Variants in ABCC6 observed in about 807,000 individuals in gnomAD.
ABCC6 encodes ATP-binding cassette sub-family C member 6.
A neutral mutation model predicts 169.5 loss-of-function variants in ABCC6; 126 were observed. The ratio of observed to expected loss-of-function variants is 0.74; its 90% CI spans 0.64 to 0.86. The LOEUF is 0.86. ABCC6 is among the 40% of genes least tolerant of loss of function. The pLI is 0.00. For synonymous variants in ABCC6, 752 were observed against 814.7 expected (o/e 0.92, Z 1.31); for missense variants, 1,733 against 1,927.2 (o/e 0.90, Z 1.89).
chr16:16,192,498 T>C (rs1002436330), intron 11 of ABCC6, among the ~76,000 whole-genome samples: 2 of 152,010 alleles, frequency 1.3e-5, no homozygotes, highest in African/African-American at 2.4e-5. Context: ...TTAGAGATCA[T>C]GGGGTTCGGA....
intron 25 of ABCC6, among the ~76,000 whole-genome samples, chr16:16,161,007 A>G (rs2046699385): frequency 6.6e-6 from 1 of 152,140 alleles, no homozygotes; most frequent in Non-Finnish European, 1.5e-5. Context: ...TGGGAGGCTG[A>G]GGCATAAGAA....
chr16:16,185,376 G>T (rs2152264208), intron 14 of ABCC6, among the ~76,000 whole-genome samples: 1 of 152,380 alleles, frequency 6.6e-6, no homozygotes, highest in Non-Finnish European at 1.5e-5. Context: ...GACAGAGACT[G>T]TGTGGCCCAC....
chr16:16,150,190 C>A lies in ABCC6; in HGVS notation c.4455G>T (p.Gln1485His). 6.2e-7 allele frequency: 1 copy of A among 1,613,598 alleles called. No homozygotes were observed. Among genetic ancestry groups the A allele is most frequent in the Non-Finnish European group, 8.5e-7 (1 of 1,180,018 alleles). The change falls in exon 31 of 31, where the codon CAG (glutamine) becomes CAT (histidine). Residue 1485 changes from glutamine to histidine, a missense_variant. By Grantham distance (24) the Gln-to-His change is conservative. Around this residue, in one of 5 missense-constraint regions of ABCC6, gnomAD observed 1,601 missense variants for 1,635.5 expected, o/e 0.98. Coordinates refer to ENST00000205557, the MANE Select transcript of ABCC6 (RefSeq NM_001171.6). ...AAAACAGGCCCTTCTGGGCCAGCAG[C>A]TGGGCCGGGCTGCCGCTCTCTGCCA... ...GQVAESGSPA[Q>H]LLAQKGLFYR... is the part of the protein sequence containing the mutation.
intron 14 of ABCC6, among the ~76,000 whole-genome samples, chr16:16,185,541 T>C (rs1310801167): frequency 6.6e-6 from 1 of 152,132 alleles, no homozygotes; most frequent in African/African-American, 2.4e-5. Context: ...CCCAGCACTT[T>C]AGGAAGCAGA....
At chr16:16,203,293 A>C in intron 8 of ABCC6, 117 bp downstream of exon 8, 2 of 1,525,480 alleles carry the variant, frequency 1.3e-6, no homozygotes, top group Non-Finnish European at 1.8e-6. Context: ...CCCACCATCC[A>C]GTGTCCCGAG....
chr16:16,168,000 C>A (rs531765956), intron 22 of ABCC6, among the ~76,000 whole-genome samples: 1 of 152,300 alleles, frequency 6.6e-6, no homozygotes, highest in South Asian at 2.1e-4. Flanking sequence ...AGTAACCATT[C>A]GCCTTGAGTA....
At chr16:16,192,695 G>A in intron 11 of ABCC6, 135 bp downstream of exon 11, 2 of 794,618 alleles carry the variant, frequency 2.5e-6, no homozygotes, top group East Asian at 2.6e-5. Flanking sequence ...CTGAGTGATG[G>A]GCAGCTCACA....
intron 7 of ABCC6, among the ~76,000 whole-genome samples, chr16:16,204,841 T>TC (rs2048344807): frequency 6.6e-6 from 1 of 150,668 alleles, no homozygotes; most frequent in Non-Finnish European, 1.5e-5. Context: ...TCTTTTCTTT[T>TC]TTTTTTTTTT....
chr16:16,197,640 C>G (rs2048093216), intron 10 of ABCC6, among the ~76,000 whole-genome samples: 1 of 123,180 alleles, frequency 8.1e-6, no homozygotes, highest in African/African-American at 3.1e-5. Flanking sequence ...GGAAGGGGTG[C>G]AGGAAGAGGA....
At chr16:16,182,977 G>C in intron 15 of ABCC6, 47 bp from the exon 16 acceptor site, 2 of 1,614,076 alleles carry the variant, frequency 1.2e-6, no homozygotes, top group Non-Finnish European at 1.7e-6. Context: ...GGTTCAGCCC[G>C]CCTCTGTGAG....
chr16:16,209,874 G>A (rs1248596558), intron 6 of ABCC6, among the ~76,000 whole-genome samples: 1 of 152,120 alleles, frequency 6.6e-6, no homozygotes, highest in East Asian at 1.9e-4. Flanking sequence ...AGGACTACAG[G>A]CGTAAGCCAC....
chr16:16,154,518 A>G, intron 29 of ABCC6, 110 bp downstream of exon 29: 1 of 1,360,458 alleles, frequency 7.4e-7, no homozygotes, highest in Admixed American at 1.9e-5. Context: ...TATTAATGTA[A>G]CAGAGTGATA....
chr16:16,212,302 C>T lies in ABCC6; in HGVS notation c.601-56G>A, dbSNP rs546061165. 22 of 788,276 alleles carry T rather than the reference C, an allele frequency of 2.8e-5. 1 individual carries two copies. Among genetic ancestry groups the T allele is most frequent in the African/African-American group, 9.1e-5 (5 of 55,194 alleles). 48.8% of individuals were successfully genotyped at this position (788,276 alleles called of 1,614,324 possible). ...ATGTGGCAAGGGTAGGAAGACAGGA[C>T]GAACTGTGTATTTTTTTTTTTTTCG... is the stretch of plus-strand genomic sequence containing the variant. On this transcript the variant is annotated intron_variant, in intron 5 of 30. Coordinates refer to ENST00000205557, the MANE Select transcript of ABCC6 (RefSeq NM_001171.6).
In ABCC6 at chr16:16,192,906, G is replaced by T. The variant is rs1179736830; in HGVS notation, c.1355C>A (p.Ala452Asp). The change falls in exon 11 of 31, where the codon GCC becomes GAC. Residue 452 changes from alanine to aspartate, a missense_variant. By Grantham distance (126) the Ala-to-Asp change is moderately radical. Around this residue, in one of 5 missense-constraint regions of ABCC6, gnomAD observed 1,601 missense variants for 1,635.5 expected, o/e 0.98. Transcript: ENST00000205557. ...CAGGAAGACAGCGATGGCAGTGAGG[G>T]CGGAGGGCCCCAGGAGCTGGGGATA... Reference protein sequence around the residue: ...VYLWQLLGPSALTAIAVFLSL... With the variant: ...VYLWQLLGPSDLTAIAVFLSL... 5 of 1,614,038 alleles carry T rather than the reference G, an allele frequency of 3.1e-6. No homozygotes were observed. Among genetic ancestry groups the T allele is most frequent in the Non-Finnish European group, 4.2e-6 (5 of 1,180,028 alleles).
intron 23 of ABCC6, 72 bp downstream of exon 23, chr16:16,165,551 T>C (rs989943926): frequency 6.5e-7 from 1 of 1,532,516 alleles, no homozygotes; most frequent in Non-Finnish European, 9.0e-7. Flanking sequence ...ATATATGGAG[T>C]CTTCCCCAGA....
In ABCC6 at chr16:16,165,643, G is replaced by A. The variant is rs1470432594; in HGVS notation, c.3286C>T (p.Leu1096Phe). 1.2e-6 allele frequency: 2 copies of A among 1,613,160 alleles called. No homozygotes were observed. The highest frequency in any genetic ancestry group is 1.7e-6 in the Non-Finnish European group (2 of 1,180,040). Residue 1096 changes from leucine (L) to phenylalanine (F), a missense_variant, in exon 23 of 31, where the codon CTC becomes TTC. Leu to Phe is a conservative substitution (Grantham distance 22). Transcript: ENST00000205557. ...CGTACCTGAAACCCAGCGTAGAGGA[G>A]AAACAGTGGCAGGATGGCCACAGTG... ...LATVAILPLF[L>F]LYAGFQSLYV...
chr16:16,215,762 C>A lies in ABCC6; in HGVS notation c.475-1313G>T, dbSNP rs947174842. On this transcript the variant is annotated intron_variant, in intron 4 of 30. Transcript: ENST00000205557. ...GTGCTGGGATTACAGGCATGAGCCA[C>A]CGCGCCCGGCCTGATATATATATTT... Among the ~76,000 whole-genome samples the A allele has an allele frequency of 2.1e-4, 32 of 151,814 alleles. 1 individual carries two copies. The South Asian group carries it at 5.8e-3, about 28-fold the overall frequency.
Position 16,158,330 on chromosome 16 carries a change from A to G in ABCC6, c.3736-521T>C, listed in dbSNP as rs558904223. 1.1e-4 allele frequency among the ~76,000 whole-genome samples: 16 copies of G among 152,206 alleles called. No homozygotes were observed. The South Asian group carries it at 3.1e-3, about 30-fold the overall frequency. On this transcript the variant is annotated intron_variant, in intron 26 of 30. Coordinates refer to ENST00000205557, the MANE Select transcript of ABCC6 (RefSeq NM_001171.6). ...CTCAACGCTGTTATGTTACTGTTAC[A>G]TTAGTGCTATGCTGCTGTTCTTATC...
chr16:16,159,445 C>G, intron 26 of ABCC6, 37 bp downstream of exon 26: 4 of 1,578,080 alleles, frequency 2.5e-6, no homozygotes, highest in Non-Finnish European at 3.5e-6. Context: ...CACAATATGT[C>G]CTTGCTGGGA....
Sources: gnomAD v4.1 joint callset for allele counts (sites outside exome capture counted in the v4.1 genomes callset) on GRCh38, gnomAD v4.1.1 for gene constraint, gnomAD v4.1.1 regional missense constraint, MANE v1.5 for transcripts, NCBI Gene and HGNC (gene_info 2026-07-23, HGNC 2026-07-21) for gene names.